Variants in LYZL4 observed in about 807,000 individuals in gnomAD.
The protein encoded by LYZL4 is lysozyme like 4.
LYZL4 carries 13 observed loss-of-function variants against 17.6 expected under a neutral mutation model. The ratio of observed to expected loss-of-function variants is 0.74; its 90% CI spans 0.48 to 1.18. The LOEUF (loss-of-function observed/expected upper bound fraction) is 1.18, where lower values mean the gene tolerates loss of function less well. Among genes scored for constraint, LYZL4 ranks in the 50% most tolerant of loss-of-function variants. The pLI is 0.00. For synonymous variants in LYZL4, 64 were observed against 67.7 expected (o/e 0.95, Z 0.27); for missense variants, 174 against 188.2 (o/e 0.92, Z 0.44).
At chr3:42,363,221 A>G in the LYZL4 span, among the ~76,000 whole-genome samples, 1 of 152,226 alleles carries the variant, frequency 6.6e-6, no homozygotes, top group Non-Finnish European at 1.5e-5. Context: ...ACTTGGTTAA[A>G]CTTCACTTAT....
At chr3:42,371,183 T>C in the LYZL4 span, among the ~76,000 whole-genome samples, 1 of 152,234 alleles carries the variant, frequency 6.6e-6, no homozygotes, top group East Asian at 1.9e-4. Flanking sequence ...TGTCCTAGTC[T>C]GGATGGTGCC....
chr3:42,406,890 C>G lies in LYZL4; in HGVS notation c.248G>C (p.Trp83Ser). The G allele has an allele frequency of 6.2e-7, 1 of 1,614,248 alleles. No homozygotes were observed. The change falls in exon 3 of 5, where the codon TGG (tryptophan) becomes TCG (serine). Residue 83 changes from tryptophan to serine, a missense_variant. By Grantham distance (177) the Trp-to-Ser change is radical (BLOSUM62 -3). Transcript: ENST00000287748. Reference protein sequence around the residue: ...FGLFQMRGSDWCGDHGRNRCH... With the variant: ...FGLFQMRGSDSCGDHGRNRCH... The stretch of plus-strand genomic sequence containing the variant: ...GCGGTTCCTGCCATGGTCGCCACAC[C>G]AGTCACTGCCACGCATCTGAAAGAG...
At chr3:42,388,211 C>T in the LYZL4 span, among the ~76,000 whole-genome samples, 1 of 152,140 alleles carries the variant, frequency 6.6e-6, no homozygotes, top group African/African-American at 2.4e-5. Context: ...TAGAAACATC[C>T]TTCACCTAGC....
At chr3:42,374,475 C>T in the LYZL4 span, among the ~76,000 whole-genome samples, 2 of 152,208 alleles carry the variant, frequency 1.3e-5, no homozygotes, top group African/African-American at 4.8e-5. Context: ...ACTTTTCACC[C>T]AGCTTTGGGA....
chr3:42,362,339 G>C, the LYZL4 span, among the ~76,000 whole-genome samples: 1 of 152,190 alleles, frequency 6.6e-6, no homozygotes. Context: ...AATAGATTTA[G>C]AAAGGCACCA....
downstream of LYZL4, among the ~76,000 whole-genome samples, chr3:42,395,833 G>A (rs1423224448): frequency 6.6e-6 from 1 of 152,152 alleles, no homozygotes; most frequent in African/African-American, 2.4e-5. Flanking sequence ...AGGCGAGGCG[G>A]GTGGATCACT....
At chr3:42,377,363 C>A in the LYZL4 span, among the ~76,000 whole-genome samples, 1 of 152,062 alleles carries the variant, frequency 6.6e-6, no homozygotes, top group African/African-American at 2.4e-5. Context: ...AGAGAGAAAC[C>A]AATTCCAGCT....
At chr3:42,409,282 T>C (rs563107993) in intron 1 of LYZL4, among the ~76,000 whole-genome samples, 1 of 152,346 alleles carries the variant, frequency 6.6e-6, no homozygotes, top group South Asian at 2.1e-4. Context: ...GAATTAAATA[T>C]GCACAGCACT....
chr3:42,364,903 T>C, the LYZL4 span, among the ~76,000 whole-genome samples: 1 of 152,328 alleles, frequency 6.6e-6, no homozygotes. Flanking sequence ...ACTTTACTGA[T>C]ATAACCAGTC....
chr3:42,398,003 T>C lies in LYZL4; in HGVS notation c.372-669A>G, dbSNP rs192752171. Among the ~76,000 whole-genome samples the C allele has an allele frequency of 1.2e-3, 176 of 152,274 alleles. 2 individuals are homozygous for C. Among genetic ancestry groups the C allele is most frequent in the Non-Finnish European group, 3.8e-4 (26 of 68,010 alleles). ...GCTGTACGCCATTAGAAATCCTGTT[T>C]CGTCATCCCACCCCTCAGCGGGCCG... On this transcript the variant is annotated intron_variant, in intron 4 of 4. Transcript: ENST00000287748.
chr3:42,362,092 A>G, the LYZL4 span, among the ~76,000 whole-genome samples: 1 of 152,228 alleles, frequency 6.6e-6, no homozygotes, highest in African/African-American at 2.4e-5. Flanking sequence ...CAATGACTAC[A>G]ATTTATTATA....
the LYZL4 span, among the ~76,000 whole-genome samples, chr3:42,384,069 T>C: frequency 6.6e-6 from 1 of 152,176 alleles, no homozygotes; most frequent in African/African-American, 2.4e-5. Flanking sequence ...AATTTCAAAG[T>C]GTTAGAGACA....
chr3:42,365,827 A>C, the LYZL4 span, among the ~76,000 whole-genome samples: 1 of 152,142 alleles, frequency 6.6e-6, no homozygotes, highest in Non-Finnish European at 1.5e-5. Flanking sequence ...ACATTTTTTA[A>C]ATTTTTACTT....
At chr3:42,388,191 T>C in the LYZL4 span, among the ~76,000 whole-genome samples, 41 of 152,320 alleles carry the variant, frequency 2.7e-4, no homozygotes, top group Admixed American at 2.6e-3. Flanking sequence ...TAGAATGAAA[T>C]GTGGGCAGTT....
intron 4 of LYZL4, among the ~76,000 whole-genome samples, chr3:42,399,939 G>A (rs1698625923): frequency 6.6e-6 from 1 of 151,060 alleles, no homozygotes; most frequent in Non-Finnish European, 1.5e-5. Flanking sequence ...TAAGAGTAAT[G>A]GCAAAAACCA....
intron 3 of LYZL4, 67 bp from the exon 4 acceptor site, chr3:42,404,191 G>C (rs969049987): frequency 1.0e-6 from 1 of 1,004,978 alleles, no homozygotes; most frequent in Non-Finnish European, 1.6e-6. Context: ...TGATGTCAGG[G>C]AAGGTACAGG....
At chr3:42,365,584 A>G in the LYZL4 span, among the ~76,000 whole-genome samples, 2 of 152,162 alleles carry the variant, frequency 1.3e-5, no homozygotes. Flanking sequence ...TCGAGCCTCT[A>G]ATTGTACCCT....
intron 3 of LYZL4, among the ~76,000 whole-genome samples, chr3:42,404,329 G>A (rs768490311): frequency 3.3e-5 from 5 of 152,088 alleles, no homozygotes; most frequent in Non-Finnish European, 7.4e-5. Flanking sequence ...TTTTTAACTT[G>A]TAATTCTTAT....
the LYZL4 span, among the ~76,000 whole-genome samples, chr3:42,377,625 C>CTG: frequency 0.14 from 19,514 of 143,496 alleles, 1,390 homozygotes; most frequent in African/African-American, 0.21. Context: ...GCATGACTCT[C>CTG]TGTGTGTGTG....
Sources: gnomAD v4.1 joint callset for allele counts (sites outside exome capture counted in the v4.1 genomes callset) on GRCh38, gnomAD v4.1.1 for gene constraint, MANE v1.5 for transcripts, NCBI Gene and HGNC (gene_info 2026-07-23, HGNC 2026-07-21) for gene names.